TMC1: variants seen among roughly 807,000 people sequenced by gnomAD.
TMC1 encodes the protein transmembrane channel-like protein 1.
In TMC1, 84 loss-of-function variants were observed where a neutral mutation model predicts 105.8. The ratio of observed to expected loss-of-function variants is 0.79; its 90% CI spans 0.67 to 0.95. The LOEUF (loss-of-function observed/expected upper bound fraction) is 0.95. Ranked by LOEUF, TMC1 falls within the 40% of genes least tolerant of loss-of-function variation. The pLI, the probability that TMC1 is intolerant of heterozygous loss-of-function variation, is 0.00. For synonymous variants in TMC1, 315 were observed against 311.5 expected (o/e 1.01, Z -0.12); for missense variants, 817 against 914.1 (o/e 0.89, Z 1.37).
intron 1 of TMC1, among the ~76,000 whole-genome samples, chr9:72,557,178 C>T (rs1192546791): frequency 6.6e-6 from 1 of 152,162 alleles, no homozygotes; most frequent in Non-Finnish European, 1.5e-5. Flanking sequence ...TGAGACCAGC[C>T]TGGCCAACAT....
rs565878975 is a variant in TMC1, at chr9:72,715,554, G to A, written c.362+14911G>A. ...AGCCTTTCTTCTGCTTGATCGATTCGGCTATTCATACTCGTGTATGTTTCA... is the reference window on the plus strand; with the variant it reads ...AGCCTTTCTTCTGCTTGATCGATTCAGCTATTCATACTCGTGTATGTTTCA... On this transcript the variant is annotated intron_variant, in intron 8 of 23. Coordinates refer to ENST00000297784, the MANE Select transcript of TMC1 (RefSeq NM_138691.3). Among the ~76,000 whole-genome samples, 26 of 151,568 alleles carry A rather than the reference G, an allele frequency of 1.7e-4. 1 individual carries two copies. The highest frequency in any genetic ancestry group is 1.5e-3 in the South Asian group (7 of 4,780).
intron 7 of TMC1, among the ~76,000 whole-genome samples, chr9:72,698,990 C>T (rs145419268): frequency 1.5e-3 from 221 of 152,162 alleles, no homozygotes; most frequent in African/African-American, 4.8e-3. Context: ...TTCAGTATCC[C>T]CTATTGTCAG....
intron 5 of TMC1, among the ~76,000 whole-genome samples, chr9:72,674,126 A>G (rs951154904): frequency 1.3e-5 from 2 of 152,346 alleles, no homozygotes; most frequent in African/African-American, 4.8e-5. Flanking sequence ...CATTGCTGTA[A>G]GAAATTAAAG....
intron 2 of TMC1, among the ~76,000 whole-genome samples, chr9:72,588,846 G>C (rs1824593028): frequency 6.6e-6 from 1 of 151,484 alleles, no homozygotes; most frequent in Non-Finnish European, 1.5e-5. Context: ...CGTGATCTCG[G>C]CTCACCACGA....
chr9:72,697,095 T>C (rs1019982560), intron 7 of TMC1, among the ~76,000 whole-genome samples: 1 of 152,156 alleles, frequency 6.6e-6, no homozygotes, highest in African/African-American at 2.4e-5. Context: ...TTAAAAGATA[T>C]ACCAATCTGG....
At chr9:72,577,735 A>G (rs1206904794) in intron 1 of TMC1, 167 bp from the exon 2 acceptor site, 1 of 152,060 alleles carries the variant, frequency 6.6e-6, no homozygotes, top group Non-Finnish European at 1.5e-5. Flanking sequence ...ATATATTTAC[A>G]AGCTGGAGTT....
chr9:72,598,363 AC>A (rs11323630), intron 2 of TMC1, among the ~76,000 whole-genome samples: 63,738 of 151,898 alleles, frequency 0.42, 13,476 homozygotes, highest in African/African-American at 0.48. Context: ...TTTCCCAGGA[AC>A]GTGAATGATA....
chr9:72,564,043 G>C (rs150584468), intron 1 of TMC1, among the ~76,000 whole-genome samples: 233 of 151,916 alleles, frequency 1.5e-3, no homozygotes, highest in African/African-American at 5.4e-3. Context: ...TCACTGTCTT[G>C]ATGATATCTT....
intron 2 of TMC1, among the ~76,000 whole-genome samples, chr9:72,587,266 C>A (rs1824569573): frequency 1.3e-5 from 2 of 151,490 alleles, no homozygotes; most frequent in African/African-American, 4.9e-5. Context: ...TCAAGTGATT[C>A]TCCTGCCTCA....
intron 17 of TMC1, 39 bp downstream of exon 17, chr9:72,792,391 T>A (rs1828287464): frequency 6.2e-7 from 1 of 1,612,330 alleles, no homozygotes; most frequent in Admixed American, 1.7e-5. Flanking sequence ...ATTAGTAGAT[T>A]AAAAAAAGAG....
chr9:72,805,871 A>C (rs1460426460), intron 18 of TMC1, among the ~76,000 whole-genome samples: 6 of 152,220 alleles, frequency 3.9e-5, no homozygotes, highest in African/African-American at 1.4e-4. Context: ...GCAAGGTCAC[A>C]GATCAACAGG....
At position 72,562,621 on chromosome 9, in the gene TMC1, T is replaced by C. The variant is rs1356537483; in HGVS notation, c.-427-15281T>C. ...GGAAACTGGGGATACAAGGAAGATA[T>C]AACCTCATCTCTCAGAGTTCCCTAG... is the stretch of plus-strand genomic sequence containing the variant. On this transcript the variant is annotated intron_variant, in intron 1 of 23. Coordinates refer to ENST00000297784, the MANE Select transcript of TMC1 (RefSeq NM_138691.3). Among the ~76,000 whole-genome samples, 4 of 152,228 alleles carry C rather than the reference T, an allele frequency of 2.6e-5. No homozygotes were observed. In the East Asian group the frequency reaches 7.7e-4, roughly 29 times the overall value.
At chr9:72,575,396 G>A (rs1032142294) in intron 1 of TMC1, among the ~76,000 whole-genome samples, 1 of 152,124 alleles carries the variant, frequency 6.6e-6, no homozygotes, top group Non-Finnish European at 1.5e-5. Flanking sequence ...GGCCAGGCTG[G>A]TCTTGAACTC....
intron 2 of TMC1, among the ~76,000 whole-genome samples, chr9:72,605,183 A>G (rs112434757): frequency 1.3e-5 from 2 of 152,366 alleles, no homozygotes; most frequent in African/African-American, 4.8e-5. Context: ...TCATCATATT[A>G]CAAGGAATCC....
intron 2 of TMC1, among the ~76,000 whole-genome samples, chr9:72,593,116 A>G (rs1824664607): frequency 6.6e-6 from 1 of 152,262 alleles, no homozygotes; most frequent in Non-Finnish European, 1.5e-5. Flanking sequence ...TATTGAAAAT[A>G]GTGTTCAGTT....
At chr9:72,810,567 C>T (rs1365129581) in intron 18 of TMC1, among the ~76,000 whole-genome samples, 1 of 151,998 alleles carries the variant, frequency 6.6e-6, no homozygotes, top group Non-Finnish European at 1.5e-5. Flanking sequence ...TATATAGTAA[C>T]AGATTTTTAT....
At chr9:72,696,152 A>G (rs1826547175) in intron 7 of TMC1, among the ~76,000 whole-genome samples, 1 of 152,190 alleles carries the variant, frequency 6.6e-6, no homozygotes, top group South Asian at 2.1e-4. Context: ...TGAGTTGGAC[A>G]GGAATTCCTC....
chr9:72,649,844 A>G (rs1008847606), intron 5 of TMC1, among the ~76,000 whole-genome samples: 7 of 152,198 alleles, frequency 4.6e-5, no homozygotes, highest in Non-Finnish European at 1.5e-5. Context: ...TTAGGTAGTT[A>G]TAGTGCTGGC....
chr9:72,691,547 G>A (rs765021640), intron 6 of TMC1, among the ~76,000 whole-genome samples: 37 of 152,180 alleles, frequency 2.4e-4, no homozygotes, highest in Non-Finnish European at 3.1e-4. Context: ...CTCTGGACTT[G>A]TGTGTGTAAA....
Sources: gnomAD v4.1 joint callset for allele counts (sites outside exome capture counted in the v4.1 genomes callset) on GRCh38, gnomAD v4.1.1 for gene constraint, MANE v1.5 for transcripts, NCBI Gene and HGNC (gene_info 2026-07-23, HGNC 2026-07-21) for gene names.